Variants in DLEU7 observed in about 807,000 individuals in gnomAD.
DLEU7 encodes deleted in lymphocytic leukemia 7.
DLEU7 carries 17 observed loss-of-function variants against 16.0 expected under a neutral mutation model. The ratio of observed to expected loss-of-function variants is 1.06; its 90% confidence interval spans 0.73 to 1.59. The LOEUF (loss-of-function observed/expected upper bound fraction) is 1.59. Among genes scored for constraint, DLEU7 ranks in the 40% most tolerant of loss-of-function variants. The probability of loss-of-function intolerance (pLI) is 0.00; values close to 1 mark genes in which losing one functional copy is unlikely to be tolerated. For missense variants in DLEU7, 308 were observed against 314.9 expected (o/e 0.98, Z 0.17); for synonymous variants, 113 against 139.8 (o/e 0.81, Z 1.35).
intron 1 of DLEU7, among the ~76,000 whole-genome samples, chr13:50,716,740 G>A (rs888378082): frequency 6.6e-6 from 1 of 152,242 alleles, no homozygotes; most frequent in Non-Finnish European, 1.5e-5. Flanking sequence ...ATCTGTATAT[G>A]TAATAAGGTG....
intron 1 of DLEU7, among the ~76,000 whole-genome samples, chr13:50,773,083 C>A (rs1384911503): frequency 6.6e-6 from 1 of 152,172 alleles, no homozygotes; most frequent in Non-Finnish European, 1.5e-5. Flanking sequence ...GTGCATGCGT[C>A]ACGTAGTTCT....
At chr13:50,792,822 T>C (rs1483240955) in intron 1 of DLEU7, among the ~76,000 whole-genome samples, 4 of 152,004 alleles carry the variant, frequency 2.6e-5, no homozygotes, top group Non-Finnish European at 4.4e-5. Context: ...ATAGATTAGT[T>C]TGTCTTCTGG....
At chr13:50,785,616 C>T (rs919994988) in intron 1 of DLEU7, among the ~76,000 whole-genome samples, 3 of 152,206 alleles carry the variant, frequency 2.0e-5, no homozygotes, top group African/African-American at 4.8e-5. Context: ...GTAAATTAAG[C>T]TTTGTCTTCC....
At chr13:50,809,264 G>A (rs749347788) in intron 1 of DLEU7, among the ~76,000 whole-genome samples, 16 of 152,062 alleles carry the variant, frequency 1.1e-4, no homozygotes, top group Admixed American at 2.0e-4. Context: ...AAAAAGAGAC[G>A]TTTCACTCAA....
chr13:50,760,029 G>A (rs1874880796), intron 1 of DLEU7, among the ~76,000 whole-genome samples: 1 of 152,146 alleles, frequency 6.6e-6, no homozygotes, highest in Non-Finnish European at 1.5e-5. Flanking sequence ...TAAATATGAG[G>A]TCTTTTACGT....
intron 1 of DLEU7, chr13:50,808,727 T>A (rs904815971): frequency 6.6e-6 from 1 of 152,144 alleles, no homozygotes; most frequent in Non-Finnish European, 1.5e-5. Context: ...GTGGAAAGGA[T>A]GACTGATTTA....
chr13:50,761,071 G>A (rs918366410), intron 1 of DLEU7, among the ~76,000 whole-genome samples: 2 of 152,188 alleles, frequency 1.3e-5, no homozygotes, highest in African/African-American at 2.4e-5. Context: ...GCCTGAAGGA[G>A]AAACACACCT....
intron 1 of DLEU7, among the ~76,000 whole-genome samples, chr13:50,805,217 A>C (rs984768644): frequency 6.6e-6 from 1 of 152,134 alleles, no homozygotes; most frequent in African/African-American, 2.4e-5. Context: ...GGAAGTATCT[A>C]TTGCCATTTA....
chr13:50,805,641 G>A (rs1876367012), intron 1 of DLEU7, among the ~76,000 whole-genome samples: 2 of 151,574 alleles, frequency 1.3e-5, no homozygotes, highest in African/African-American at 4.9e-5. Context: ...TCTTCCACAT[G>A]TCTAGCTATG....
intron 1 of DLEU7, among the ~76,000 whole-genome samples, chr13:50,715,681 CG>C (rs1356173095): frequency 1.3e-5 from 2 of 152,184 alleles, no homozygotes; most frequent in African/African-American, 4.8e-5. Context: ...CTGGAGGAGA[CG>C]TGTGTTAGGA....
At chr13:50,795,757 G>C (rs533455317) in intron 1 of DLEU7, among the ~76,000 whole-genome samples, 1 of 151,960 alleles carries the variant, frequency 6.6e-6, no homozygotes, top group Non-Finnish European at 1.5e-5. Flanking sequence ...CTCACACTGC[G>C]ATTATTTTTA....
intron 1 of DLEU7, among the ~76,000 whole-genome samples, chr13:50,746,011 A>T (rs192564395): frequency 3.3e-5 from 5 of 152,258 alleles, no homozygotes; most frequent in Admixed American, 6.5e-5. Context: ...AATGCCTAAT[A>T]ACTGTGTTCT....
chr13:50,724,147 C>T (rs891500874), intron 1 of DLEU7, among the ~76,000 whole-genome samples: 12 of 152,062 alleles, frequency 7.9e-5, no homozygotes, highest in Non-Finnish European at 1.3e-4. Flanking sequence ...TAGCCCATCA[C>T]TAATTGAAGA....
intron 1 of DLEU7, among the ~76,000 whole-genome samples, chr13:50,744,343 C>T (rs752077258): frequency 1.6e-4 from 24 of 152,166 alleles, no homozygotes; most frequent in Non-Finnish European, 3.1e-4. Flanking sequence ...AGTTTTCTTT[C>T]ATTTGTCTTT....
chr13:50,800,771 C>T (rs548890544), intron 1 of DLEU7, among the ~76,000 whole-genome samples: 1 of 152,146 alleles, frequency 6.6e-6, no homozygotes, highest in South Asian at 2.1e-4. Flanking sequence ...GGAGAGGAAG[C>T]TTGCAGCCCT....
At chr13:50,733,213 A>G (rs936217762) in intron 1 of DLEU7, among the ~76,000 whole-genome samples, 2 of 152,192 alleles carry the variant, frequency 1.3e-5, no homozygotes, top group African/African-American at 2.4e-5. Flanking sequence ...GAGCAAATAC[A>G]TCAGAATTTA....
At chr13:50,767,751 G>T (rs561402271) in intron 1 of DLEU7, among the ~76,000 whole-genome samples, 1 of 152,310 alleles carries the variant, frequency 6.6e-6, no homozygotes, top group East Asian at 1.9e-4. Context: ...AAACCTGGAA[G>T]TAAGACCAGG....
chr13:50,728,971 T>C (rs1327174620), intron 1 of DLEU7, among the ~76,000 whole-genome samples: 8 of 152,308 alleles, frequency 5.3e-5, no homozygotes, highest in East Asian at 3.9e-4. Flanking sequence ...ACCTGCACAG[T>C]TGAAAATCTT....
At chr13:50,772,450 A>G (rs1325197519) in intron 1 of DLEU7, among the ~76,000 whole-genome samples, 6 of 152,194 alleles carry the variant, frequency 3.9e-5, no homozygotes, top group Non-Finnish European at 7.3e-5. Context: ...AGCTCTTGTA[A>G]GGCAGGCCTG....
Sources: gnomAD v4.1 joint callset for allele counts (sites outside exome capture counted in the v4.1 genomes callset) on GRCh38, gnomAD v4.1.1 for gene constraint, MANE v1.5 for transcripts, NCBI Gene and HGNC (gene_info 2026-07-23, HGNC 2026-07-21) for gene names.